The following RARB variants were observed in gnomAD, a reference collection of about 807,000 sequenced individuals.
RARB encodes HBV-activated protein.
A neutral mutation model predicts 51.9 loss-of-function variants in RARB; 17 were observed. The observed-to-expected ratio is 0.33, with a 90% CI of 0.22 to 0.49. RARB has a LOEUF of 0.49. Ranked by LOEUF, RARB falls within the 20% of genes least tolerant of loss-of-function variation. RARB has a pLI of 0.99. For synonymous variants in RARB, 215 were observed against 195.4 expected (o/e 1.10, Z -0.84); for missense variants, 369 against 550.8 (o/e 0.67, Z 3.30).
At chr3:25,119,588 G>A (rs1397387641) in intron 3 of RARB, among the ~76,000 whole-genome samples, 1 of 151,680 alleles carries the variant, frequency 6.6e-6, no homozygotes, top group Non-Finnish European at 1.5e-5. Context: ...AGGACAGGTG[G>A]TAGGTCAGAT....
chr3:25,141,726 G>A (rs189209481), intron 4 of RARB, among the ~76,000 whole-genome samples: 1 of 152,272 alleles, frequency 6.6e-6, no homozygotes, highest in East Asian at 1.9e-4. Flanking sequence ...TAAAAGGAGT[G>A]CTTTCTACTT....
At chr3:24,905,384 C>T (rs1027828678) in intron 2 of RARB, among the ~76,000 whole-genome samples, 1 of 152,260 alleles carries the variant, frequency 6.6e-6, no homozygotes, top group East Asian at 1.9e-4. Context: ...GACAAAAATA[C>T]CTCTGCTTAC....
chr3:25,243,126 T>C (rs1702472032), intron 5 of RARB, among the ~76,000 whole-genome samples: 1 of 152,118 alleles, frequency 6.6e-6, no homozygotes, highest in South Asian at 2.1e-4. Context: ...AATTGGTGTA[T>C]AGGAGTGCTT....
chr3:24,844,439 G>A (rs1559369497), intron 1 of RARB, among the ~76,000 whole-genome samples: 1 of 152,196 alleles, frequency 6.6e-6, no homozygotes, highest in Non-Finnish European at 1.5e-5. Context: ...CAACTAACCT[G>A]TTAATGTCTC....
At chr3:25,535,165 T>C (rs1350337734) in intron 3 of RARB, among the ~76,000 whole-genome samples, 1 of 152,200 alleles carries the variant, frequency 6.6e-6, no homozygotes, top group Non-Finnish European at 1.5e-5. Flanking sequence ...GGTTACTTAA[T>C]TTACGAGGGC....
chr3:24,882,952 T>G (rs557486412), intron 2 of RARB, among the ~76,000 whole-genome samples: 1 of 152,260 alleles, frequency 6.6e-6, no homozygotes, highest in South Asian at 2.1e-4. Flanking sequence ...GTTTCCTTAT[T>G]TATTCTCTTC....
intron 2 of RARB, among the ~76,000 whole-genome samples, chr3:24,879,212 G>A (rs573992295): frequency 4.6e-5 from 7 of 151,080 alleles, no homozygotes; most frequent in South Asian, 4.2e-4. Flanking sequence ...GGCGGATCAC[G>A]AGGTCAGGAG....
chr3:25,323,542 A>C (rs914262667), intron 5 of RARB, among the ~76,000 whole-genome samples: 2 of 152,224 alleles, frequency 1.3e-5, no homozygotes, highest in African/African-American at 4.8e-5. Context: ...AAATCTTCCA[A>C]AATGAAAACT....
chr3:25,474,681 G>A (rs1695867557), intron 2 of RARB, among the ~76,000 whole-genome samples: 1 of 152,198 alleles, frequency 6.6e-6, no homozygotes, highest in African/African-American at 2.4e-5. Flanking sequence ...GTTGAGCTGT[G>A]ATAAAAAGTA....
At chr3:24,983,189 T>C (rs1292473576) in intron 2 of RARB, among the ~76,000 whole-genome samples, 1 of 152,176 alleles carries the variant, frequency 6.6e-6, no homozygotes, top group African/African-American at 2.4e-5. Flanking sequence ...TATTGCAACA[T>C]AGGTACACAC....
At chr3:24,902,441 G>T (rs769722101) in intron 2 of RARB, among the ~76,000 whole-genome samples, 9 of 152,082 alleles carry the variant, frequency 5.9e-5, no homozygotes, top group South Asian at 4.1e-4. Context: ...ACAGAAGAAA[G>T]GAAGAGTTTT....
chr3:25,565,780 A>G (rs1260850609), intron 3 of RARB, among the ~76,000 whole-genome samples: 2 of 151,932 alleles, frequency 1.3e-5, no homozygotes, highest in Non-Finnish European at 2.9e-5. Flanking sequence ...CTTCCTGCAT[A>G]ACTAACCCAC....
At chr3:25,250,605 A>T (rs1275805913) in intron 5 of RARB, among the ~76,000 whole-genome samples, 1 of 152,106 alleles carries the variant, frequency 6.6e-6, no homozygotes, top group African/African-American at 2.4e-5. Flanking sequence ...CAGCAGCCAG[A>T]AGTGGCACCT....
At chr3:24,865,620 T>C (rs746462631) in intron 2 of RARB, among the ~76,000 whole-genome samples, 2 of 152,176 alleles carry the variant, frequency 1.3e-5, no homozygotes, top group Non-Finnish European at 2.9e-5. Context: ...GATTTTCTTA[T>C]ATTTATTATA....
intron 3 of RARB, among the ~76,000 whole-genome samples, chr3:25,504,355 G>A (rs755025645): frequency 3.9e-5 from 6 of 152,194 alleles, no homozygotes; most frequent in Non-Finnish European, 4.4e-5. Flanking sequence ...GATCCCGATT[G>A]TTCCATCAAA....
chr3:25,210,457 G>C (rs766464486), intron 5 of RARB, among the ~76,000 whole-genome samples: 3 of 147,948 alleles, frequency 2.0e-5, no homozygotes, highest in Non-Finnish European at 4.5e-5. Flanking sequence ...ATATATGGGT[G>C]TTTTCTCACC....
At chr3:24,961,956 G>C (rs1484880414) in intron 2 of RARB, among the ~76,000 whole-genome samples, 2 of 92,018 alleles carry the variant, frequency 2.2e-5, no homozygotes, top group East Asian at 7.6e-4. Context: ...TTGAGACAGA[G>C]TCTTGCTCTG....
At chr3:24,922,186 C>T (rs1287139811) in intron 2 of RARB, among the ~76,000 whole-genome samples, 1 of 152,182 alleles carries the variant, frequency 6.6e-6, no homozygotes, top group African/African-American at 2.4e-5. Flanking sequence ...TGGTTCAAAT[C>T]CTGGTTCTGT....
At chr3:24,997,113 A>C (rs1697057985) in intron 2 of RARB, among the ~76,000 whole-genome samples, 1 of 150,550 alleles carries the variant, frequency 6.6e-6, no homozygotes. Flanking sequence ...ATCTAATAAT[A>C]TTTACTTTAT....
Sources: allele counts gnomAD v4.1 joint callset (sites outside exome capture counted in the v4.1 genomes callset), GRCh38; gene constraint gnomAD v4.1.1; transcripts MANE v1.5; gene names NCBI Gene and HGNC (gene_info 2026-07-23, HGNC 2026-07-21).